USP18: variants seen among roughly 807,000 people sequenced by gnomAD.
The protein encoded by USP18 is ubl carboxyl-terminal hydrolase 18.
A neutral mutation model predicts 48.7 loss-of-function variants in USP18; 11 were observed. That is an observed-to-expected ratio of 0.23 (90% CI 0.14 to 0.37). USP18 has a LOEUF of 0.37. Among genes scored for constraint, USP18 ranks in the 10% least tolerant of loss-of-function variants. The pLI, the probability that USP18 is intolerant of heterozygous loss-of-function variation, is 1.00. For missense variants in USP18, 285 were observed against 436.4 expected (o/e 0.65, Z 3.09); for synonymous variants, 114 against 163.2 (o/e 0.70, Z 2.30).
chr22:18,159,597 A>C (rs1929266162), intron 2 of USP18, among the ~76,000 whole-genome samples: 1 of 150,496 alleles, frequency 6.6e-6, no homozygotes, highest in African/African-American at 2.5e-5. Flanking sequence ...TCCTGGGTTC[A>C]AGCAATTCTC....
At position 18,166,160 on chromosome 22, in the gene USP18, T is replaced by C. The variant is rs538729126; in HGVS notation, c.401-1095T>C. Among the ~76,000 whole-genome samples the C allele has an allele frequency of 3.0e-3, 461 of 152,090 alleles. 1 individual carries two copies. Among genetic ancestry groups the C allele is most frequent in the Non-Finnish European group, 4.7e-3 (319 of 67,874 alleles). On this transcript the variant is annotated intron_variant, in intron 4 of 10. Coordinates refer to ENST00000215794, the MANE Select transcript of USP18 (RefSeq NM_017414.4). ...CCGTCCTCAGTCTGGAGAACCTCAA[T>C]CAACCTAGCTCCAGGTTTATGGATT...
At chr22:18,169,611 C>T (rs1340012504) in intron 6 of USP18, among the ~76,000 whole-genome samples, 2 of 152,160 alleles carry the variant, frequency 1.3e-5, no homozygotes, top group South Asian at 2.1e-4. Flanking sequence ...CCAGGTAAGA[C>T]ACCTGCTCCT....
chr22:18,165,430 C>T (rs1929447930), intron 4 of USP18, among the ~76,000 whole-genome samples: 1 of 60,432 alleles, frequency 1.7e-5, no homozygotes, highest in Non-Finnish European at 3.2e-5. Context: ...CTGAGTACTC[C>T]CATTTTCTAA....
rs757276321 is a variant in USP18 at position 18,157,769 on chromosome 22, A to G, written c.106A>G (p.Met36Val). ...AGAAAAGAAGGAAGAAGACAGCAAC[A>G]TGAAGAGAGAGCAGCCCAGAGAGCG... The part of the protein sequence containing the change: ...LEEKKEEDSN[M>V]KREQPRERPR... Residue 36 changes from methionine to valine, a missense_variant, in exon 2 of 11, where the codon ATG (methionine) becomes GTG (valine). Transcript: ENST00000215794. 1 of 1,614,014 alleles carries G rather than the reference A, an allele frequency of 6.2e-7. No individual in the cohort carries two copies. The highest frequency in any genetic ancestry group is 8.5e-7 in the Non-Finnish European group (1 of 1,180,016).
At chr22:18,166,939 A>G (rs1338653665) in intron 4 of USP18, among the ~76,000 whole-genome samples, 7 of 151,438 alleles carry the variant, frequency 4.6e-5, no homozygotes, top group East Asian at 1.9e-4. Context: ...GAGTCTTGCT[A>G]TGTTGCCCAG....
intron 2 of USP18, among the ~76,000 whole-genome samples, chr22:18,158,204 C>T (rs1929224777): frequency 6.6e-6 from 1 of 152,196 alleles, no homozygotes; most frequent in African/African-American, 2.4e-5. Flanking sequence ...AGGAGAATTG[C>T]TTGAACCTGG....
intron 1 of USP18, among the ~76,000 whole-genome samples, chr22:18,155,330 A>G (rs1929098922): frequency 6.6e-6 from 1 of 152,076 alleles, no homozygotes; most frequent in African/African-American, 2.4e-5. Flanking sequence ...TACTGTAGTG[A>G]GCCTAGTCCT....
At position 18,159,342 on chromosome 22, in the gene USP18, C is replaced by T. The variant is rs146136571; in HGVS notation, c.158-830C>T. On this transcript the variant is annotated intron_variant, in intron 2 of 10. Transcript: ENST00000215794. The stretch of plus-strand genomic sequence containing the variant: ...AAGTGCTGGGATTACAGGTGTGAGC[C>T]ACTGTGCTTGGCCCTTGTGATAGAG... Among the ~76,000 whole-genome samples, 254 of 152,264 alleles carry T rather than the reference C, an allele frequency of 1.7e-3. 1 individual carries two copies. Among genetic ancestry groups the T allele is most frequent in the African/African-American group, 5.8e-3 (243 of 41,542 alleles).
Position 18,157,605 on chromosome 22 carries a change from C to T in USP18, c.-59C>T. On this transcript the variant is annotated 5_prime_UTR_variant, in exon 2 of 11. Coordinates refer to ENST00000215794, the MANE Select transcript of USP18 (RefSeq NM_017414.4). ...CATAAGCGCTTCCTGGAAGTGAAGT[C>T]GTGCTGTCCTGAACGCGGGCCAGGC... The T allele has an allele frequency of 2.5e-6, 4 of 1,596,900 alleles. No individual in the cohort carries two copies. The highest frequency in any genetic ancestry group is 1.7e-6 in the Non-Finnish European group (2 of 1,170,194).
chr22:18,167,976 C>T lies in USP18; in HGVS notation c.567C>T (p.Ser189=). 1 of 1,614,160 alleles carries T rather than the reference C, an allele frequency of 6.2e-7. No individual in the cohort carries two copies. Among genetic ancestry groups the T allele is most frequent in the Non-Finnish European group, 8.5e-7 (1 of 1,180,042 alleles). Residue 189 remains serine, a synonymous_variant, in exon 6 of 11, where the codon AGC becomes AGT. Transcript: ENST00000215794. ...VDCAMESSRN[S]SMLTLPLSLF... ...GTGCCATGGAGAGTAGCAGAAACAG[C>T]AGCATGCTCACCCTCCCACTTTCTC...
chr22:18,173,501 G>C (rs1569213326), intron 9 of USP18, among the ~76,000 whole-genome samples: 1 of 152,140 alleles, frequency 6.6e-6, no homozygotes, highest in African/African-American at 2.4e-5. Context: ...AGTTTTTGGT[G>C]CTCTAGGCTC....
chr22:18,172,274 T>C (rs574896489), intron 8 of USP18, among the ~76,000 whole-genome samples: 2 of 152,234 alleles, frequency 1.3e-5, no homozygotes, highest in Admixed American at 6.5e-5. Flanking sequence ...CTGGATTTTT[T>C]TGAAGCAAAT....
At position 18,153,254 on chromosome 22, in the gene USP18, C is replaced by A. The variant is rs10470276; in HGVS notation, c.-107+3032C>A. Among the ~76,000 whole-genome samples the A allele has an allele frequency of 3.8e-3, 580 of 152,192 alleles. 1 individual carries two copies. The highest frequency in any genetic ancestry group is 0.011 in the African/African-American group (467 of 41,514). The stretch of plus-strand genomic sequence containing the variant: ...GACCAGCCTGGCCAACATGGTGAAA[C>A]CCCGTCTCTACTAAAAATACAAAAA... On this transcript the variant is annotated intron_variant, in intron 1 of 10. Coordinates refer to ENST00000215794, the MANE Select transcript of USP18 (RefSeq NM_017414.4).
intron 2 of USP18, among the ~76,000 whole-genome samples, chr22:18,159,368 C>G (rs886149675): frequency 6.6e-6 from 1 of 151,898 alleles, no homozygotes. Context: ...TGTGATAGAG[C>G]TTTTTAAAGA....
rs1205340216 is a variant in USP18, at chr22:18,157,885, C to T, written c.157+65C>T. 2.5e-6 allele frequency: 4 copies of T among 1,595,692 alleles called. No homozygotes were observed. In the East Asian group the frequency reaches 9.0e-5, roughly 36 times the overall value. On this transcript the variant is annotated intron_variant, in intron 2 of 10. Transcript: ENST00000215794. ...GTAAATGTTCGGCTCACCCCCTCCG[C>T]TCTGAAGCCGCAGAGCTTTGTATTC...
Position 18,170,941 on chromosome 22 carries a change from T to C in USP18, c.891+21T>C. 3 of 1,155,358 alleles carry C rather than the reference T, an allele frequency of 2.6e-6. No homozygotes were observed. The South Asian group carries it at 4.3e-5, about 17-fold the overall frequency. 71.6% of individuals were successfully genotyped at this position (1,155,358 alleles called of 1,614,324 possible). On this transcript the variant is annotated intron_variant, in intron 8 of 10. Coordinates refer to ENST00000215794, the MANE Select transcript of USP18 (RefSeq NM_017414.4). ...AGCAGGTGGGATGATCCCGACCTCC[T>C]TGCCATCCTGCCTCTCCCCAGATGC...
At chr22:18,159,910 C>A (rs1383050028) in intron 2 of USP18, among the ~76,000 whole-genome samples, 1 of 152,112 alleles carries the variant, frequency 6.6e-6, no homozygotes, top group African/African-American at 2.4e-5. Context: ...ATCTCCTGAC[C>A]TCGTGATCTG....
intron 6 of USP18, among the ~76,000 whole-genome samples, chr22:18,168,537 A>G (rs5992188): frequency 0.34 from 51,758 of 151,776 alleles, 8,892 homozygotes; most frequent in African/African-American, 0.37. Context: ...CTGGGATTAC[A>G]GGTGCCCACC....
chr22:18,169,591 C>T (rs950006427), intron 6 of USP18, among the ~76,000 whole-genome samples: 1 of 152,126 alleles, frequency 6.6e-6, no homozygotes, highest in Non-Finnish European at 1.5e-5. Flanking sequence ...AGGTAAGACA[C>T]CTGCTCCTCC....
Sources: allele counts gnomAD v4.1 joint callset (sites outside exome capture counted in the v4.1 genomes callset), GRCh38; gene constraint gnomAD v4.1.1; transcripts MANE v1.5; gene names NCBI Gene and HGNC (gene_info 2026-07-23, HGNC 2026-07-21).